Variants in NXPE2 observed in about 807,000 individuals in gnomAD.
NXPE2 encodes the protein neurexophilin and PC-esterase domain family member 2.
Under a neutral mutation model 34.4 loss-of-function variants are expected in NXPE2, and 34 were observed. The ratio of observed to expected loss-of-function variants is 0.99; its 90% CI spans 0.75 to 1.31. NXPE2 has a LOEUF of 1.31. Ranked by LOEUF, NXPE2 falls within the 40% of genes most tolerant of loss-of-function variation. The pLI is 0.00. For missense variants in NXPE2, 649 were observed against 672.5 expected (o/e 0.97, Z 0.39); for synonymous variants, 235 against 231.3 (o/e 1.02, Z -0.15).
chr11:114,714,561 A>G, the NXPE2 span, among the ~76,000 whole-genome samples: 6 of 152,164 alleles, frequency 3.9e-5, no homozygotes, highest in South Asian at 2.1e-4. Flanking sequence ...TATTTGAAGG[A>G]TATGGCCAGG....
the NXPE2 span, among the ~76,000 whole-genome samples, chr11:114,487,171 A>G: frequency 6.6e-6 from 1 of 152,074 alleles, no homozygotes; most frequent in African/African-American, 2.4e-5. Context: ...AGTTTCTTGC[A>G]TCAGTGTTTT....
the NXPE2 span, among the ~76,000 whole-genome samples, chr11:114,787,373 G>A: frequency 6.6e-6 from 1 of 152,172 alleles, no homozygotes; most frequent in Non-Finnish European, 1.5e-5. Flanking sequence ...CCTCTGTGGC[G>A]TGGGGTGGGA....
the NXPE2 span, chr11:114,529,958 G>A: frequency 2.0e-6 from 1 of 509,536 alleles, no homozygotes; most frequent in African/African-American, 1.9e-5. Context: ...ACACATAGAA[G>A]AACGGTTATA....
At chr11:114,503,534 A>T in the NXPE2 span, among the ~76,000 whole-genome samples, 1 of 152,162 alleles carries the variant, frequency 6.6e-6, no homozygotes, top group African/African-American at 2.4e-5. Flanking sequence ...AGATGAAAAA[A>T]GTTGATGACT....
the NXPE2 span, among the ~76,000 whole-genome samples, chr11:114,773,048 G>A: frequency 2.0e-5 from 3 of 152,178 alleles, no homozygotes; most frequent in Non-Finnish European, 4.4e-5. Flanking sequence ...ACTGGGGTAT[G>A]AAGGCAGAGG....
the NXPE2 span, among the ~76,000 whole-genome samples, chr11:114,580,700 C>A: frequency 4.6e-5 from 7 of 152,154 alleles, no homozygotes; most frequent in Non-Finnish European, 1.0e-4. Flanking sequence ...GCTCACTTTA[C>A]CCCTAAGTTT....
the NXPE2 span, among the ~76,000 whole-genome samples, chr11:114,585,964 A>C: frequency 6.6e-6 from 1 of 152,190 alleles, no homozygotes; most frequent in Non-Finnish European, 1.5e-5. Context: ...GGAGCTGGCC[A>C]GGTAGAGAAC....
At chr11:114,785,561 A>G in the NXPE2 span, among the ~76,000 whole-genome samples, 1 of 152,118 alleles carries the variant, frequency 6.6e-6, no homozygotes, top group African/African-American at 2.4e-5. Context: ...GTGTGTCTTT[A>G]GCAACACTGT....
chr11:114,709,872 A>C (rs1247917133), downstream of NXPE2, among the ~76,000 whole-genome samples: 2 of 152,070 alleles, frequency 1.3e-5, no homozygotes, highest in African/African-American at 4.8e-5. Context: ...ATTTCATTCC[A>C]GCCTGGGTGA....
At chr11:114,755,201 G>C in the NXPE2 span, among the ~76,000 whole-genome samples, 1 of 152,184 alleles carries the variant, frequency 6.6e-6, no homozygotes, top group African/African-American at 2.4e-5. Flanking sequence ...AGAATTAACA[G>C]CATGTTAGTA....
the NXPE2 span, among the ~76,000 whole-genome samples, chr11:114,508,444 T>A: frequency 6.6e-6 from 1 of 152,200 alleles, no homozygotes; most frequent in African/African-American, 2.4e-5. Flanking sequence ...AAGGCAATCC[T>A]AAGCAAAAAG....
chr11:114,633,012 A>C, the NXPE2 span, among the ~76,000 whole-genome samples: 1 of 106,770 alleles, frequency 9.4e-6, no homozygotes, highest in Non-Finnish European at 1.7e-5. Flanking sequence ...AATATATATT[A>C]TATAATATAT....
chr11:114,782,316 G>A, the NXPE2 span, among the ~76,000 whole-genome samples: 94 of 152,278 alleles, frequency 6.2e-4, no homozygotes, highest in African/African-American at 2.2e-3. Context: ...TGCTCTTTCT[G>A]TCTTGGCAAT....
the NXPE2 span, among the ~76,000 whole-genome samples, chr11:114,541,204 A>G: frequency 6.6e-6 from 1 of 152,152 alleles, no homozygotes; most frequent in Admixed American, 6.6e-5. Flanking sequence ...CGTGGTTTCC[A>G]CAACATAACA....
chr11:114,632,844 AAAT>A, the NXPE2 span, among the ~76,000 whole-genome samples: 1 of 9,602 alleles, frequency 1.0e-4, no homozygotes, highest in Non-Finnish European at 1.8e-4. Context: ...ATATATTATA[AAAT>A]TATATAATTA....
At chr11:114,624,423 C>T in the NXPE2 span, among the ~76,000 whole-genome samples, 58 of 151,424 alleles carry the variant, frequency 3.8e-4, no homozygotes, top group South Asian at 8.6e-3. Context: ...CTGTTACCCA[C>T]TGGATAATAA....
the NXPE2 span, among the ~76,000 whole-genome samples, chr11:114,757,525 A>G: frequency 6.6e-6 from 1 of 152,200 alleles, no homozygotes; most frequent in African/African-American, 2.4e-5. Context: ...TCTCCTCAGA[A>G]TAAGGAATAA....
chr11:114,653,115 A>T, the NXPE2 span, among the ~76,000 whole-genome samples: 1 of 152,202 alleles, frequency 6.6e-6, no homozygotes, highest in Non-Finnish European at 1.5e-5. Flanking sequence ...GGGTTTTCTA[A>T]GAAGCATAAA....
chr11:114,791,314 T>A, the NXPE2 span, among the ~76,000 whole-genome samples: 2 of 152,190 alleles, frequency 1.3e-5, no homozygotes, highest in Admixed American at 1.3e-4. Context: ...ATGTTCTGTA[T>A]ATGCCCAAAC....
Sources: allele counts gnomAD v4.1 joint callset (sites outside exome capture counted in the v4.1 genomes callset), GRCh38; gene constraint gnomAD v4.1.1; transcripts MANE v1.5; gene names NCBI Gene and HGNC (gene_info 2026-07-23, HGNC 2026-07-21).